FOXP1: variants seen among roughly 807,000 people sequenced by gnomAD.
The protein encoded by FOXP1 is forkhead box protein P1.
Under a neutral mutation model 98.2 loss-of-function variants are expected in FOXP1, and 15 were observed. The ratio of observed to expected loss-of-function variants is 0.15; its 90% CI spans 0.10 to 0.24. FOXP1 has a LOEUF of 0.24. FOXP1 is among the 10% of genes least tolerant of loss of function. The pLI is 1.00. For synonymous variants in FOXP1, 371 were observed against 314.5 expected, an observed-to-expected ratio of 1.18 and a Z score of -1.90; for missense variants, 633 against 848.5, an observed-to-expected ratio of 0.75 and a Z score of 3.15.
chr3:71,070,342 CCTT>C (rs768429096), intron 7 of FOXP1, among the ~76,000 whole-genome samples: 55 of 152,270 alleles, frequency 3.6e-4, no homozygotes, highest in South Asian at 6.2e-4. Context: ...GGGCATCTTG[CCTT>C]CTTTTGCTCA....
chr3:71,253,123 C>A (rs1371989845), intron 5 of FOXP1, among the ~76,000 whole-genome samples: 2 of 152,042 alleles, frequency 1.3e-5, no homozygotes, highest in African/African-American at 4.8e-5. Flanking sequence ...AATTTTAACA[C>A]CAAAAGAAAA....
chr3:71,311,148 G>T (rs573584419), intron 4 of FOXP1, among the ~76,000 whole-genome samples: 1 of 152,186 alleles, frequency 6.6e-6, no homozygotes, highest in South Asian at 2.1e-4. Context: ...GCAGTGGCAC[G>T]ATCATGACTC....
intron 7 of FOXP1, among the ~76,000 whole-genome samples, chr3:71,085,367 C>T (rs561817572): frequency 5.3e-5 from 8 of 152,222 alleles, no homozygotes; most frequent in African/African-American, 1.9e-4. Flanking sequence ...CCAGGCTGGT[C>T]CCGAAGTCCT....
intron 3 of FOXP1, among the ~76,000 whole-genome samples, chr3:71,424,874 TG>T (rs981562739): frequency 6.6e-6 from 1 of 152,102 alleles, no homozygotes; most frequent in African/African-American, 2.4e-5. Flanking sequence ...ACGTCCAGCC[TG>T]GGGTGGGAGG....
At chr3:71,410,303 T>C (rs1395267901) in intron 3 of FOXP1, among the ~76,000 whole-genome samples, 3 of 152,250 alleles carry the variant, frequency 2.0e-5, no homozygotes, top group Non-Finnish European at 4.4e-5. Context: ...TTTGATATTT[T>C]TTACTGAATC....
At chr3:71,480,056 C>T (rs908881375) in intron 3 of FOXP1, among the ~76,000 whole-genome samples, 5 of 152,096 alleles carry the variant, frequency 3.3e-5, no homozygotes, top group Admixed American at 1.3e-4. Flanking sequence ...ATTAGCTGGG[C>T]GTGGTGCCAC....
chr3:71,530,960 A>C (rs1471322159), intron 2 of FOXP1, among the ~76,000 whole-genome samples: 2 of 152,168 alleles, frequency 1.3e-5, no homozygotes, highest in Non-Finnish European at 2.9e-5. Context: ...ATGGGCCCCC[A>C]CCATGGAAAT....
intron 3 of FOXP1, among the ~76,000 whole-genome samples, chr3:71,401,117 G>GA (rs2081933279): frequency 6.6e-6 from 1 of 152,112 alleles, no homozygotes; most frequent in South Asian, 2.1e-4. Context: ...AAGCTTATCT[G>GA]AAAACTCACA....
At chr3:71,273,635 C>T (rs1191245104) in intron 5 of FOXP1, among the ~76,000 whole-genome samples, 1 of 152,166 alleles carries the variant, frequency 6.6e-6, no homozygotes, top group African/African-American at 2.4e-5. Context: ...CCTTGGAACA[C>T]AACCCTTTGC....
chr3:71,254,418 G>C (rs1160581696), intron 5 of FOXP1, among the ~76,000 whole-genome samples: 1 of 152,188 alleles, frequency 6.6e-6, no homozygotes, highest in African/African-American at 2.4e-5. Flanking sequence ...ACCGGCATTT[G>C]CTAAAAAGTT....
chr3:70,976,506 A>C (rs2037558432), intron 17 of FOXP1, among the ~76,000 whole-genome samples: 1 of 152,244 alleles, frequency 6.6e-6, no homozygotes, highest in Admixed American at 6.5e-5. Context: ...CTATTTATCC[A>C]ACCATTGAAG....
At chr3:71,400,922 A>G (rs1464656889) in intron 3 of FOXP1, among the ~76,000 whole-genome samples, 4 of 152,170 alleles carry the variant, frequency 2.6e-5, no homozygotes, top group Non-Finnish European at 5.9e-5. Flanking sequence ...GAGAACACAT[A>G]AGGAGGAGGG....
chr3:71,502,003 G>A (rs938700306), intron 2 of FOXP1, among the ~76,000 whole-genome samples: 4 of 152,330 alleles, frequency 2.6e-5, no homozygotes, highest in South Asian at 4.1e-4. Flanking sequence ...AACACAGAAG[G>A]TTGGGAGGCG....
intron 11 of FOXP1, among the ~76,000 whole-genome samples, chr3:71,026,330 G>A (rs183785031): frequency 3.9e-5 from 6 of 152,268 alleles, no homozygotes; most frequent in Admixed American, 2.0e-4. Context: ...ATATTCAAAC[G>A]ACTCAAGTTT....
intron 5 of FOXP1, among the ~76,000 whole-genome samples, chr3:71,215,460 A>G (rs2108480963): frequency 6.6e-6 from 1 of 152,314 alleles, no homozygotes; most frequent in East Asian, 1.9e-4. Flanking sequence ...TACCATGAAA[A>G]ATGCACAGTG....
intron 5 of FOXP1, among the ~76,000 whole-genome samples, chr3:71,265,786 C>T (rs953689148): frequency 6.6e-6 from 1 of 152,160 alleles, no homozygotes; most frequent in Non-Finnish European, 1.5e-5. Flanking sequence ...ATGAAGGAAA[C>T]TGAGAACCAA....
intron 5 of FOXP1, among the ~76,000 whole-genome samples, chr3:71,241,274 G>A (rs1300807327): frequency 6.6e-6 from 1 of 152,036 alleles, no homozygotes. Context: ...TTACCATAAG[G>A]GAGCACAGGA....
At chr3:71,146,026 G>A (rs2060291229) in intron 6 of FOXP1, among the ~76,000 whole-genome samples, 1 of 152,194 alleles carries the variant, frequency 6.6e-6, no homozygotes, top group Admixed American at 6.5e-5. Flanking sequence ...ATGTTGGATA[G>A]CAGCAACTTA....
intron 11 of FOXP1, among the ~76,000 whole-genome samples, chr3:71,017,230 C>T (rs1290934778): frequency 6.6e-6 from 1 of 151,924 alleles, no homozygotes; most frequent in Admixed American, 6.6e-5. Flanking sequence ...ATCTTCAGAT[C>T]TGTGAATGAA....
Sources: gnomAD v4.1 joint callset for allele counts (sites outside exome capture counted in the v4.1 genomes callset) on GRCh38, gnomAD v4.1.1 for gene constraint, MANE v1.5 for transcripts, NCBI Gene and HGNC (gene_info 2026-07-23, HGNC 2026-07-21) for gene names.